The following GATA4 variants were observed in gnomAD, a reference collection of about 807,000 sequenced individuals.
GATA4 encodes transcription factor GATA-4.
In GATA4, 7 loss-of-function variants were observed where a neutral mutation model predicts 37.9. The ratio of observed to expected loss-of-function variants is 0.18; its 90% CI spans 0.11 to 0.35. GATA4 has a LOEUF of 0.35. Ranked by LOEUF, GATA4 falls within the 10% of genes least tolerant of loss-of-function variation. The probability of loss-of-function intolerance (pLI) is 1.00; values close to 1 mark genes in which losing one functional copy is unlikely to be tolerated. For synonymous variants in GATA4, 372 were observed against 292.6 expected (o/e 1.27, Z -2.77); for missense variants, 647 against 653.0 (o/e 0.99, Z 0.10).
chr8:11,751,095 G>A (rs960684992), intron 4 of GATA4, among the ~76,000 whole-genome samples: 1 of 152,140 alleles, frequency 6.6e-6, no homozygotes, highest in South Asian at 2.1e-4. Flanking sequence ...AGCCATATAA[G>A]AATAGTTAGA....
chr8:11,690,782 G>A (rs1044331295), upstream of GATA4, among the ~76,000 whole-genome samples: 6 of 152,184 alleles, frequency 3.9e-5, no homozygotes, highest in Non-Finnish European at 8.8e-5. Context: ...GAGGTGGGAG[G>A]ATCGCTTGAG....
At chr8:11,730,938 C>G (rs78693845) in intron 2 of GATA4, among the ~76,000 whole-genome samples, 1 of 152,224 alleles carries the variant, frequency 6.6e-6, no homozygotes, top group Non-Finnish European at 1.5e-5. Flanking sequence ...GCATGTGGCC[C>G]AGTGCCCACT....
intron 2 of GATA4, among the ~76,000 whole-genome samples, chr8:11,730,973 G>A (rs765141508): frequency 3.9e-5 from 6 of 152,252 alleles, no homozygotes; most frequent in Non-Finnish European, 8.8e-5. Context: ...GTGCCTGGAC[G>A]GCTCTGTCAG....
chr8:11,752,752 T>C (rs778527650), intron 4 of GATA4, among the ~76,000 whole-genome samples: 2 of 152,258 alleles, frequency 1.3e-5, no homozygotes, highest in Non-Finnish European at 2.9e-5. Context: ...AGGGCTGTTG[T>C]TAACTTAGTC....
chr8:11,728,394 G>C (rs1003725539), intron 2 of GATA4, among the ~76,000 whole-genome samples: 1 of 152,250 alleles, frequency 6.6e-6, no homozygotes, highest in East Asian at 1.9e-4. Flanking sequence ...TTTGAAACAG[G>C]GTTTTGCTCT....
chr8:11,681,095 G>T (rs529352509), intron 1 of GATA4: 1 of 974,248 alleles, frequency 1.0e-6, no homozygotes, highest in Admixed American at 6.1e-5. Flanking sequence ...CATGGGTGGC[G>T]CCCCAGGCTC....
intron 1 of GATA4, chr8:11,681,417 T>G: frequency 2.0e-6 from 2 of 982,958 alleles, no homozygotes; most frequent in South Asian, 9.5e-5. Context: ...GTGGCTCAAC[T>G]CGGGGGCCGT....
intron 2 of GATA4, among the ~76,000 whole-genome samples, chr8:11,710,238 G>C (rs1306467226): frequency 6.6e-6 from 1 of 152,122 alleles, no homozygotes; most frequent in Non-Finnish European, 1.5e-5. Context: ...GTGGCTCTTG[G>C]TGTTCCCCTC....
At position 11,708,446 on chromosome 8, in the gene GATA4, C is replaced by T. The variant is rs2130067843; in HGVS notation, c.134C>T (p.Pro45Leu). Residue 45 changes from proline to leucine, a missense_variant, in exon 2 of 7, where the codon CCC becomes CTC. Transcript: ENST00000532059. This position sits in a 1 kb window ranked among gnomAD's most constrained non-coding sequence, Gnocchi z 6.7. ...GTCTACGTGCCCACACCGCGGGTGC[C>T]CTCCTCCGTGCTGGGCCTGTCCTAC... ...SPVYVPTPRV[P>L]SSVLGLSYLQ... The T allele has an allele frequency of 5.2e-6, 8 of 1,533,158 alleles. No homozygotes were observed. Among genetic ancestry groups the T allele is most frequent in the Non-Finnish European group, 7.0e-6 (8 of 1,145,806 alleles). 95.0% of individuals were successfully genotyped at this position (1,533,158 alleles called of 1,614,324 possible).
intron 2 of GATA4, among the ~76,000 whole-genome samples, chr8:11,718,917 C>T (rs1363307314): frequency 6.6e-6 from 1 of 152,244 alleles, no homozygotes; most frequent in South Asian, 2.1e-4. Flanking sequence ...AGGAGGCGCT[C>T]ATTGACCCAT....
intron 2 of GATA4, among the ~76,000 whole-genome samples, chr8:11,733,816 C>T (rs1801321105): frequency 6.6e-6 from 1 of 152,160 alleles, no homozygotes; most frequent in Non-Finnish European, 1.5e-5. Context: ...TTATTTCCAC[C>T]ACCCCGATGA....
chr8:11,687,212 T>G (rs936126230), intron 1 of GATA4, among the ~76,000 whole-genome samples: 2 of 152,172 alleles, frequency 1.3e-5, no homozygotes, highest in Non-Finnish European at 2.9e-5. Context: ...CTAGGCATTC[T>G]GGGATGGGTG....
chr8:11,727,790 G>A lies in GATA4; in HGVS notation c.616+18862G>A, dbSNP rs558923714. On this transcript the variant is annotated intron_variant, in intron 2 of 6. Transcript: ENST00000532059. ...TGGGAGGTGGAGACTGCGGTGAGCC[G>A]TGATCTAGCCTGGGTGACAGAGTGA... Among the ~76,000 whole-genome samples, 6 of 151,642 alleles carry A rather than the reference G, an allele frequency of 4.0e-5. No homozygotes were observed. The South Asian group carries it at 1.3e-3, about 32-fold the overall frequency.
At chr8:11,754,736 A>G (rs1802467071) in intron 4 of GATA4, among the ~76,000 whole-genome samples, 2 of 151,890 alleles carry the variant, frequency 1.3e-5, no homozygotes, top group Admixed American at 1.3e-4. Context: ...TTTTTACATC[A>G]CCGACCAGAG....
At chr8:11,706,619 C>A (rs1054241365) in intron 1 of GATA4, among the ~76,000 whole-genome samples, 5 of 152,166 alleles carry the variant, frequency 3.3e-5, no homozygotes, top group African/African-American at 1.2e-4. Flanking sequence ...AGCCTGGATT[C>A]ATATATAGTT....
rs1389517661 is a variant in GATA4, at chr8:11,708,074, C to T, written c.-239C>T. On this transcript the variant is annotated 5_prime_UTR_variant, in exon 2 of 7. Coordinates refer to ENST00000532059, the MANE Select transcript of GATA4 (RefSeq NM_001308093.3). This position sits in a 1 kb window ranked among gnomAD's most constrained non-coding sequence, Gnocchi z 6.7. ...GCTGCTCCTACATCAGCTTCCGGAA[C>T]CACCAAAAATTCAAATTGGGATTTT... The T allele has an allele frequency of 4.0e-5, 24 of 601,746 alleles. 1 individual carries two copies. In the South Asian group the frequency reaches 4.4e-4, roughly 11 times the overall value. The allele number at this position is 601,746 out of a possible 1,614,324, so 37.3% of individuals were successfully genotyped here.
At chr8:11,744,616 T>C (rs773432157) in intron 2 of GATA4, among the ~76,000 whole-genome samples, 1 of 152,250 alleles carries the variant, frequency 6.6e-6, no homozygotes, top group Non-Finnish European at 1.5e-5. Context: ...GATTTAACAT[T>C]GTAGGGCCAA....
intron 2 of GATA4, among the ~76,000 whole-genome samples, chr8:11,713,438 C>T (rs1206157752): frequency 6.6e-6 from 1 of 152,046 alleles, no homozygotes; most frequent in South Asian, 2.1e-4. Context: ...TCTGCCCTGC[C>T]TGGGTCCAAC....
At chr8:11,714,548 C>T (rs1800353240) in intron 2 of GATA4, among the ~76,000 whole-genome samples, 1 of 152,132 alleles carries the variant, frequency 6.6e-6, no homozygotes, top group South Asian at 2.1e-4. Context: ...CCACCCTGAG[C>T]AGGTCAGTCA....
Sources: allele counts gnomAD v4.1 joint callset (sites outside exome capture counted in the v4.1 genomes callset), GRCh38; gene constraint gnomAD v4.1.1; non-coding constraint Gnocchi (gnomAD v3.1); transcripts MANE v1.5; gene names NCBI Gene and HGNC (gene_info 2026-07-23, HGNC 2026-07-21).